Variants in SLC25A41 observed in about 807,000 individuals in gnomAD.
The protein encoded by SLC25A41 is mitochondrial carrier protein SCaMC-3L.
SLC25A41 carries 35 observed loss-of-function variants against 34.7 expected under a neutral mutation model. That is an observed-to-expected ratio of 1.01 (90% CI 0.77 to 1.34). The LOEUF (loss-of-function observed/expected upper bound fraction) is 1.34. Ranked by LOEUF, SLC25A41 falls within the 40% of genes most tolerant of loss-of-function variation. The pLI, the probability that SLC25A41 is intolerant of heterozygous loss-of-function variation, is 0.00. For synonymous variants in SLC25A41, 190 were observed against 209.9 expected, an observed-to-expected ratio of 0.91 and a Z score of 0.82; for missense variants, 492 against 489.8, an observed-to-expected ratio of 1.00 and a Z score of -0.04.
chr19:6,426,666 G>A, intron 6 of SLC25A41, 105 bp from the exon 7 acceptor site: 1 of 1,235,342 alleles, frequency 8.1e-7, no homozygotes, highest in South Asian at 1.4e-5. Flanking sequence ...GGGGCCCCAG[G>A]GGTCAGTAGG....
rs1297916075 is a variant in SLC25A41, at chr19:6,427,491, G to T, written c.635C>A (p.Thr212Lys). The T allele has an allele frequency of 6.5e-7, 1 of 1,542,182 alleles. No individual in the cohort carries two copies. Among genetic ancestry groups the T allele is most frequent in the Middle Eastern group, 1.7e-4 (1 of 5,830 alleles). The stretch of plus-strand genomic sequence containing the variant: ...GCCCGTCCGACGCAAGGTCAACCGC[G>T]TCTTCAGCACCTGAGGATGGCGGGG... ...TLINPMEVLK[T>K]RLTLRRTGQY... The change falls in exon 5 of 7, where the codon ACG becomes AAG. Residue 212 changes from threonine (T) to lysine (K), a missense_variant. By Grantham distance (78) the Thr-to-Lys change is moderately conservative (BLOSUM62 -1). Coordinates refer to ENST00000321510, the MANE Select transcript of SLC25A41 (RefSeq NM_173637.4). This position sits in a 1 kb window ranked among gnomAD's most constrained non-coding sequence, Gnocchi z 4.9.
intron 1 of SLC25A41, 114 bp from the exon 2 acceptor site, chr19:6,432,318 ATT>A (rs374854148): frequency 6.3e-5 from 62 of 990,610 alleles, no homozygotes; most frequent in South Asian, 1.3e-4. Context: ...CCAAGTCTGC[ATT>A]TTTTTTTTTC....
At chr19:6,434,706 C>T (rs922792985), upstream of SLC25A41, among the ~76,000 whole-genome samples, 127 of 152,066 alleles carry the variant, frequency 8.4e-4, 1 homozygote, top group African/African-American at 2.9e-3. Context: ...GTCAGGAGTT[C>T]GAGACCAGCC....
chr19:6,426,341 GGTCCTCCT>G lies in SLC25A41; in HGVS notation c.*40_*47del, dbSNP rs1359362165. 3 of 1,561,842 alleles carry G rather than the reference GGTCCTCCT, an allele frequency of 1.9e-6. No homozygotes were observed. The highest frequency in any genetic ancestry group is 2.6e-6 in the Non-Finnish European group (3 of 1,144,508). On this transcript the variant is annotated 3_prime_UTR_variant, in exon 7 of 7. Coordinates refer to ENST00000321510, the MANE Select transcript of SLC25A41 (RefSeq NM_173637.4). Reference sequence around the variant, plus strand: ...GGCTCTTTGGGGCCAGGGGTCATCAGGTCCTCCTGTCCCATTTCTGCCTAGGCTGTGTC... The same window carrying G: ...GGCTCTTTGGGGCCAGGGGTCATCAGGTCCCATTTCTGCCTAGGCTGTGTC...
chr19:6,427,597 A>G lies in SLC25A41; in HGVS notation c.625-96T>C. On this transcript the variant is annotated intron_variant, in intron 4 of 6. Transcript: ENST00000321510. The surrounding 1 kb of genome is among the most constrained non-coding windows in gnomAD (Gnocchi z 4.9). ...CCCCACCCTACAAACAAGGAAAATG[A>G]GGCTCAGGAAGGCAAAGAGCTGGGT... 1.5e-6 allele frequency: 2 copies of G among 1,319,362 alleles called. No individual in the cohort carries two copies. The highest frequency in any genetic ancestry group is 2.0e-6 in the Non-Finnish European group (2 of 1,002,040). 81.7% of individuals were successfully genotyped at this position (1,319,362 alleles called of 1,614,324 possible).
chr19:6,433,470 G>C lies in SLC25A41; in HGVS notation c.207+17C>G, dbSNP rs1226352726. On this transcript the variant is annotated intron_variant, in intron 1 of 6. Coordinates refer to ENST00000321510, the MANE Select transcript of SLC25A41 (RefSeq NM_173637.4). ...CCTGACCAGAGGTGCCGGGACACTG[G>C]TGTTTCCTAAACTCACCTGCTGTGA... The C allele has an allele frequency of 3.7e-6, 6 of 1,611,274 alleles. No individual in the cohort carries two copies. The highest frequency in any genetic ancestry group is 5.1e-6 in the Non-Finnish European group (6 of 1,179,376).
chr19:6,433,141 T>A (rs1483995405), intron 1 of SLC25A41, among the ~76,000 whole-genome samples: 1 of 152,108 alleles, frequency 6.6e-6, no homozygotes, highest in South Asian at 2.1e-4. Flanking sequence ...CTCTACCTCC[T>A]GAGTTCAAGC....
chr19:6,429,868 C>T (rs750329850), intron 3 of SLC25A41, 37 bp from the exon 4 acceptor site: 2 of 1,598,334 alleles, frequency 1.3e-6, no homozygotes, highest in South Asian at 2.2e-5. Context: ...GAGAAGTCAG[C>T]CACCCTCCGA....
At chr19:6,435,353 C>G (rs1031430587), upstream of SLC25A41, among the ~76,000 whole-genome samples, 1 of 152,062 alleles carries the variant, frequency 6.6e-6, no homozygotes, top group Non-Finnish European at 1.5e-5. Flanking sequence ...CCTCTCTGTT[C>G]AGGTGGTTCT....
chr19:6,430,884 G>A (rs934796399), intron 2 of SLC25A41, among the ~76,000 whole-genome samples: 1 of 152,076 alleles, frequency 6.6e-6, no homozygotes, highest in Non-Finnish European at 1.5e-5. Flanking sequence ...TGCAATCACA[G>A]CTCACTGCAG....
At position 6,427,219 on chromosome 19, in the gene SLC25A41, C is replaced by A; in HGVS notation, c.824G>T (p.Arg275Met). Residue 275 changes from arginine to methionine, a missense_variant, in exon 6 of 7, where the codon AGG becomes ATG. By Grantham distance (91) the Arg-to-Met change is moderately conservative. Transcript: ENST00000321510. This position sits in a 1 kb window ranked among gnomAD's most constrained non-coding sequence, Gnocchi z 4.9. ...CAGGCCACTGGGGTCCCCCATATCC[C>A]TGCCTGACTTCACCCAGAAGCACTG... ...MLQCFWVKSG[R>M]DMGDPSGLVS... 1 of 1,612,728 alleles carries A rather than the reference C, an allele frequency of 6.2e-7. No homozygotes were observed.
At chr19:6,430,251 C>A in intron 2 of SLC25A41, 90 bp from the exon 3 acceptor site, 1 of 1,408,542 alleles carries the variant, frequency 7.1e-7, no homozygotes, top group South Asian at 1.5e-5. Context: ...CGGGACCTCC[C>A]AAGCCACCCA....
chr19:6,429,134 A>ATATATAATATATATTATATATGT (rs1429575623), intron 4 of SLC25A41, among the ~76,000 whole-genome samples: 1 of 54,662 alleles, frequency 1.8e-5, no homozygotes, highest in African/African-American at 1.0e-4. Context: ...TATATGTTAT[A>ATATATAATATATATTATATATGT]TATATATATA....
Position 6,426,306 on chromosome 19 carries a change from A to G in SLC25A41, c.*83T>C. ...AAACTGCCCCAGGGCCTGAACCTTG[A>G]GGCCTCGAGGGCTCTTTGGGGCCAG... On this transcript the variant is annotated 3_prime_UTR_variant, in exon 7 of 7. Coordinates refer to ENST00000321510, the MANE Select transcript of SLC25A41 (RefSeq NM_173637.4). 1 of 1,226,198 alleles carries G rather than the reference A, an allele frequency of 8.2e-7. No individual in the cohort carries two copies. Among genetic ancestry groups the G allele is most frequent in the Non-Finnish European group, 1.1e-6 (1 of 928,012 alleles). The allele number at this position is 1,226,198 out of a possible 1,614,324, so 76.0% of individuals were successfully genotyped here. A position where few individuals can be genotyped will look rare whatever the true frequency, so the allele number is the denominator to read the frequency against.
chr19:6,434,185 T>G (rs1018900255), upstream of SLC25A41, among the ~76,000 whole-genome samples: 2 of 152,228 alleles, frequency 1.3e-5, no homozygotes, highest in South Asian at 2.1e-4. Context: ...CCTCATGATC[T>G]GCCCACCTCA....
chr19:6,433,910 G>A (rs3852879), upstream of SLC25A41: 923 of 458,662 alleles, frequency 2.0e-3, 10 homozygotes, highest in African/African-American at 0.015. Flanking sequence ...ATATGTTATC[G>A]TTATAAATTG....
At position 6,433,508 on chromosome 19, in the gene SLC25A41, A is replaced by C; in HGVS notation, c.186T>G (p.Leu62=). The change falls in exon 1 of 7, where the codon CTT becomes CTG. Residue 62 remains leucine (L), a synonymous_variant. Coordinates refer to ENST00000321510, the MANE Select transcript of SLC25A41 (RefSeq NM_173637.4). ...TCACCTGCTGTGACGGGAGATGTTC[A>C]AGGTTGTTGTCATGCATGTGGCCAA... ...YAFGHMHDNN[L]EHLPSQQVLD... 6.2e-7 allele frequency: 1 copy of C among 1,612,934 alleles called. No homozygotes were observed. The highest frequency in any genetic ancestry group is 8.5e-7 in the Non-Finnish European group (1 of 1,179,812).
At chr19:6,429,561 A>G in intron 4 of SLC25A41, among the ~76,000 whole-genome samples, 163 bp downstream of exon 4, 1 of 80,044 alleles carries the variant, frequency 1.2e-5, no homozygotes. Context: ...AGAAAGGAGG[A>G]GGGGAGACAG....
Position 6,427,647 on chromosome 19 carries a change from C to T in SLC25A41, c.625-146G>A. ...TTTCAGACCCGGATCTGTCAGATTCCATGGAATGCTCTCTGAATTTTGAGT... is the reference window on the plus strand; with the variant it reads ...TTTCAGACCCGGATCTGTCAGATTCTATGGAATGCTCTCTGAATTTTGAGT... On this transcript the variant is annotated intron_variant, in intron 4 of 6. Coordinates refer to ENST00000321510, the MANE Select transcript of SLC25A41 (RefSeq NM_173637.4). The surrounding 1 kb of genome is among the most constrained non-coding windows in gnomAD (Gnocchi z 4.9). 1 of 923,214 alleles carries T rather than the reference C, an allele frequency of 1.1e-6. No homozygotes were observed. The highest frequency in any genetic ancestry group is 1.5e-6 in the Non-Finnish European group (1 of 656,516). 57.2% of individuals were successfully genotyped at this position (923,214 alleles called of 1,614,324 possible). A position where few individuals can be genotyped will look rare whatever the true frequency, so the allele number is the denominator to read the frequency against.
Sources: gnomAD v4.1 joint callset for allele counts (sites outside exome capture counted in the v4.1 genomes callset) on GRCh38, gnomAD v4.1.1 for gene constraint, Gnocchi (gnomAD v3.1) non-coding constraint, MANE v1.5 for transcripts, NCBI Gene and HGNC (gene_info 2026-07-23, HGNC 2026-07-21) for gene names.